FSIP2: variants seen among roughly 807,000 people sequenced by gnomAD.
FSIP2 encodes the protein fibrous sheath-interacting protein 2.
FSIP2 carries 367 observed loss-of-function variants against 510.5 expected under a neutral mutation model. That is an observed-to-expected ratio of 0.72 (90% CI 0.66 to 0.78). The LOEUF is 0.78. FSIP2 is among the 30% of genes least tolerant of loss of function. FSIP2 has a pLI of 0.00. For synonymous variants in FSIP2, 2,601 were observed against 2,732.2 expected, an observed-to-expected ratio of 0.95 and a Z score of 1.50; for missense variants, 7,594 against 7,901.7, an observed-to-expected ratio of 0.96 and a Z score of 1.48.
chr2:185,750,782 G>T lies in FSIP2; in HGVS notation c.871-2940G>T, dbSNP rs148060155. Among the ~76,000 whole-genome samples the T allele has an allele frequency of 4.6e-3, 690 of 150,544 alleles. 4 individuals are homozygous for T. The highest frequency in any genetic ancestry group is 6.1e-3 in the Non-Finnish European group (409 of 67,370). ...AGTCCCCAGATTTTTTTTGATATAC[G>T]ATGTTTTATATTTATTCAATTCAAA... On this transcript the variant is annotated intron_variant, in intron 7 of 22. Transcript: ENST00000424728.
At position 185,802,578 on chromosome 2, in the gene FSIP2, G is replaced by T; in HGVS notation, c.13272G>T (p.Gly4424=). ...SDYLLHPLFS[G]DFSASTYSNS... ...ACCTTCTTCATCCACTGTTTTCTGG[G>T]GATTTTTCAGCTTCTACCTATTCTA... Residue 4424 remains glycine, a synonymous_variant, in exon 17 of 23, where the codon GGG becomes GGT. Transcript: ENST00000424728. The T allele has an allele frequency of 1.3e-6, 2 of 1,530,394 alleles. No homozygotes were observed. The highest frequency in any genetic ancestry group is 1.4e-5 in the African/African-American group (1 of 72,706). 94.8% of individuals were successfully genotyped at this position (1,530,394 alleles called of 1,614,324 possible). A position where few individuals can be genotyped will look rare whatever the true frequency, so the allele number is the denominator to read the frequency against.
intron 7 of FSIP2, among the ~76,000 whole-genome samples, chr2:185,748,047 G>T (rs1401859648): frequency 6.6e-6 from 1 of 151,906 alleles, no homozygotes; most frequent in Non-Finnish European, 1.5e-5. Context: ...GCAATTTTAG[G>T]TAGGTTATTG....
In FSIP2 at chr2:185,800,706, A is replaced by G; in HGVS notation, c.11400A>G (p.Gly3800=). The G allele has an allele frequency of 6.5e-7, 1 of 1,533,904 alleles. No homozygotes were observed. The highest frequency in any genetic ancestry group is 8.7e-7 in the Non-Finnish European group (1 of 1,145,470). Residue 3800 remains glycine (G), a synonymous_variant, in exon 17 of 23, where the codon GGA becomes GGG. Transcript: ENST00000424728. Reference sequence around the variant, plus strand: ...AAATGCTTCAAAGTGTAGAAGATGGAAAATCTGATTATCGTAAGGGAGGAA... The same window carrying G: ...AAATGCTTCAAAGTGTAGAAGATGGGAAATCTGATTATCGTAAGGGAGGAA... ...LLKMLQSVED[G]KSDYRKGGMD...
chr2:185,788,548 C>T, intron 15 of FSIP2, 95 bp from the exon 16 acceptor site: 1 of 747,134 alleles, frequency 1.3e-6, no homozygotes, highest in Non-Finnish European at 2.1e-6. Flanking sequence ...TCCACCAATA[C>T]ATTGATATAA....
In FSIP2 at chr2:185,800,145, T is replaced by A; in HGVS notation, c.10839T>A (p.His3613Gln). Residue 3613 changes from histidine to glutamine, a missense_variant, in exon 17 of 23, where the codon CAT becomes CAA. Coordinates refer to ENST00000424728, the MANE Select transcript of FSIP2 (RefSeq NM_173651.4). ...AGGATCTCTTAGTAGGAGTGATTCA[T>A]GTACTGTCCAAAGAAATAGAAGTAG... ...LFQDLLVGVI[H>Q]VLSKEIEVDY... 1 of 1,534,030 alleles carries A rather than the reference T, an allele frequency of 6.5e-7. No individual in the cohort carries two copies. Among genetic ancestry groups the A allele is most frequent in the Non-Finnish European group, 8.7e-7 (1 of 1,145,616 alleles).
rs897205364 is a variant in FSIP2, at chr2:185,803,994, G to C, written c.14688G>C (p.Ala4896=). The change falls in exon 17 of 23, where the codon GCG becomes GCC. Residue 4896 remains alanine, a synonymous_variant. Coordinates refer to ENST00000424728, the MANE Select transcript of FSIP2 (RefSeq NM_173651.4). ...SISDIPVSKI[A]SFIIKEIFNH... ...GTGACATACCTGTTTCAAAAATAGC[G>C]AGTTTTATAATAAAAGAAATCTTTA... The C allele has an allele frequency of 2.0e-6, 3 of 1,494,936 alleles. No homozygotes were observed. The highest frequency in any genetic ancestry group is 2.7e-6 in the Non-Finnish European group (3 of 1,125,210). The allele number at this position is 1,494,936 out of a possible 1,614,324, so 92.6% of individuals were successfully genotyped here.
rs1693252796 is a variant in FSIP2 at position 185,795,697 on chromosome 2, A to G, written c.8561A>G (p.Glu2854Gly). The G allele has an allele frequency of 1.3e-6, 2 of 1,532,544 alleles. No homozygotes were observed. The highest frequency in any genetic ancestry group is 2.4e-5 in the South Asian group (2 of 83,522). The allele number at this position is 1,532,544 out of a possible 1,614,324, so 94.9% of individuals were successfully genotyped here. A position where few individuals can be genotyped will look rare whatever the true frequency, so the allele number is the denominator to read the frequency against. ...WQTESNDKEN[E>G]KCKLLMIAEN... ...ACAGAATCAAATGACAAGGAAAATG[A>G]AAAATGTAAGCTATTGATGATAGCT... Residue 2854 changes from glutamate to glycine, a missense_variant, in exon 16 of 23, where the codon GAA becomes GGA. Coordinates refer to ENST00000424728, the MANE Select transcript of FSIP2 (RefSeq NM_173651.4).
rs747934490 is a variant in FSIP2, at chr2:185,793,960, T to C, written c.6824T>C (p.Leu2275Pro). 1 of 1,528,390 alleles carries C rather than the reference T, an allele frequency of 6.5e-7. No individual in the cohort carries two copies. The highest frequency in any genetic ancestry group is 1.2e-5 in the South Asian group (1 of 82,628). The allele number at this position is 1,528,390 out of a possible 1,614,324, so 94.7% of individuals were successfully genotyped here. A position where few individuals can be genotyped will look rare whatever the true frequency, so the allele number is the denominator to read the frequency against. The change falls in exon 16 of 23, where the codon CTT becomes CCT. Residue 2275 changes from leucine to proline, a missense_variant. Leu to Pro is a moderately conservative substitution (Grantham distance 98). Transcript: ENST00000424728. ...GAAAGAATAGATTCATTAATTACCC[T>C]TGCTTTCCAAAGTAAAGAAAAGTCA... ...ATERIDSLIT[L>P]AFQSKEKSFV...
At chr2:185,763,420 C>A in intron 12 of FSIP2, 131 bp downstream of exon 12, 2 of 616,024 alleles carry the variant, frequency 3.2e-6, no homozygotes, top group South Asian at 3.7e-5. Flanking sequence ...ATTAGTCATA[C>A]AATAATAACG....
At chr2:185,827,032 G>A (rs34976819) in intron 20 of FSIP2, among the ~76,000 whole-genome samples, 47,587 of 151,584 alleles carry the variant, frequency 0.31, 7,788 homozygotes, top group Middle Eastern at 0.41. Flanking sequence ...GTTTTTCTGG[G>A]GAGTTGGATG....
chr2:185,815,343 G>A, intron 18 of FSIP2, 28 bp from the exon 19 acceptor site: 2 of 960,382 alleles, frequency 2.1e-6, no homozygotes, highest in South Asian at 1.4e-5. Context: ...ACTCCATTTA[G>A]TGTAATAGCT....
chr2:185,750,841 T>C (rs528047008), intron 7 of FSIP2, among the ~76,000 whole-genome samples: 1 of 151,706 alleles, frequency 6.6e-6, no homozygotes, highest in South Asian at 2.1e-4. Flanking sequence ...TTATGTTTGA[T>C]TCATTGGTTA....
Position 185,805,177 on chromosome 2 carries a change from C to G in FSIP2, c.15871C>G (p.Leu5291Val). The change falls in exon 17 of 23, where the codon CTC becomes GTC. Residue 5291 changes from leucine to valine, a missense_variant. Physicochemically the swap from Leu to Val is conservative, Grantham distance 32. Coordinates refer to ENST00000424728, the MANE Select transcript of FSIP2 (RefSeq NM_173651.4). ...TGACCTTGTTCACAAATTTTGTTCT[C>G]TCCTCATTATTACTGAAGATTCTAA... The part of the protein sequence containing the change: ...IIDLVHKFCS[L>V]LIITEDSKKN... 6.2e-7 allele frequency: 1 copy of G among 1,609,886 alleles called. No individual in the cohort carries two copies. The highest frequency in any genetic ancestry group is 8.5e-7 in the Non-Finnish European group (1 of 1,177,684).
rs1693387352 is a variant in FSIP2 at position 185,799,913 on chromosome 2, G to A, written c.10607G>A (p.Ser3536Asn). 2 of 1,533,730 alleles carry A rather than the reference G, an allele frequency of 1.3e-6. No homozygotes were observed. Among genetic ancestry groups the A allele is most frequent in the Non-Finnish European group, 1.7e-6 (2 of 1,145,478 alleles). Reference sequence around the variant, plus strand: ...TGGGAAATTCAAGAAGCAACATTTAGCAAGATTATTTCAATTCATTCTCAA... The same window carrying A: ...TGGGAAATTCAAGAAGCAACATTTAACAAGATTATTTCAATTCATTCTCAA... Reference protein sequence around the residue: ...KAWEIQEATFSKIISIHSQVF... With the variant: ...KAWEIQEATFNKIISIHSQVF... The change falls in exon 17 of 23, where the codon AGC becomes AAC. Residue 3536 changes from serine (S) to asparagine (N), a missense_variant. By Grantham distance (46) the Ser-to-Asn change is conservative. Transcript: ENST00000424728.
chr2:185,807,715 G>A lies in FSIP2; in HGVS notation c.18409G>A (p.Glu6137Lys), dbSNP rs768807128. 1.2e-6 allele frequency: 2 copies of A among 1,612,658 alleles called. No individual in the cohort carries two copies. The highest frequency in any genetic ancestry group is 1.1e-5 in the South Asian group (1 of 91,014). Residue 6137 changes from glutamate to lysine, a missense_variant, in exon 17 of 23, where the codon GAG (glutamate) becomes AAG (lysine). Glu to Lys is a moderately conservative substitution (Grantham distance 56). Coordinates refer to ENST00000424728, the MANE Select transcript of FSIP2 (RefSeq NM_173651.4). ...TCAGCTGCAGAGCTATTTTTGTGGAGAGCTAACTCCACATCAGTGTGTGGA... is the reference window on the plus strand; with the variant it reads ...TCAGCTGCAGAGCTATTTTTGTGGAAAGCTAACTCCACATCAGTGTGTGGA... ...SNQLQSYFCG[E>K]LTPHQCVEVE...
chr2:185,804,324 C>G lies in FSIP2; in HGVS notation c.15018C>G (p.Asn5006Lys). The G allele has an allele frequency of 6.6e-7, 1 of 1,507,796 alleles. No homozygotes were observed. 93.4% of individuals were successfully genotyped at this position (1,507,796 alleles called of 1,614,324 possible). The change falls in exon 17 of 23, where the codon AAC (asparagine) becomes AAG (lysine). Residue 5006 changes from asparagine (N) to lysine (K), a missense_variant. Transcript: ENST00000424728. ...CATCAGAGATTTTAGTTGCAGATAA[C>G]TTTGATAAAAATTTGTGTTTCTCAG... Reference protein sequence around the residue: ...FTTSEILVADNFDKNLCFSER... With the variant: ...FTTSEILVADKFDKNLCFSER...
chr2:185,806,456 T>A lies in FSIP2; in HGVS notation c.17150T>A (p.Val5717Glu), dbSNP rs927500458. 2 of 1,611,764 alleles carry A rather than the reference T, an allele frequency of 1.2e-6. No individual in the cohort carries two copies. Among genetic ancestry groups the A allele is most frequent in the African/African-American group, 2.7e-5 (2 of 74,860 alleles). The part of the protein sequence containing the change: ...QSPPGDNVLN[V>E]IQEISRDSAQ... ...CCCCCAGGTGATAATGTATTAAATG[T>A]AATTCAAGAGATTAGCAGGGATTCG... Residue 5717 changes from valine to glutamate, a missense_variant, in exon 17 of 23, where the codon GTA becomes GAA. Coordinates refer to ENST00000424728, the MANE Select transcript of FSIP2 (RefSeq NM_173651.4).
In FSIP2 at chr2:185,791,277, C is replaced by T. The variant is rs1227256846; in HGVS notation, c.4141C>T (p.Arg1381Cys). 6 of 1,533,932 alleles carry T rather than the reference C, an allele frequency of 3.9e-6. No individual in the cohort carries two copies. The East Asian group carries it at 7.3e-5, about 19-fold the overall frequency. Residue 1381 changes from arginine (R) to cysteine (C), a missense_variant, in exon 16 of 23, where the codon CGT becomes TGT. Coordinates refer to ENST00000424728, the MANE Select transcript of FSIP2 (RefSeq NM_173651.4). Reference protein sequence around the residue: ...AHQRSISLSSRKPKSATDSVD... With the variant: ...AHQRSISLSSCKPKSATDSVD... ...TCAAAGAAGCATTTCACTCTCTTCT[C>T]GTAAGCCAAAGTCTGCAACTGACAG... is the stretch of plus-strand genomic sequence containing the variant.
chr2:185,755,337 C>A (rs1317224754), intron 8 of FSIP2, among the ~76,000 whole-genome samples: 3 of 151,524 alleles, frequency 2.0e-5, no homozygotes, highest in Non-Finnish European at 4.4e-5. Flanking sequence ...TTCATTGAGG[C>A]AATGACAGCA....
Sources: gnomAD v4.1 joint callset for allele counts (sites outside exome capture counted in the v4.1 genomes callset) on GRCh38, gnomAD v4.1.1 for gene constraint, MANE v1.5 for transcripts, NCBI Gene and HGNC (gene_info 2026-07-23, HGNC 2026-07-21) for gene names.